Variants in P2RY8 observed in about 807,000 individuals in gnomAD.
P2RY8 encodes the protein S-geranylgeranyl-glutathione receptor P2RY8.
Under a neutral mutation model 10.0 loss-of-function variants are expected in P2RY8, and 6 were observed. The observed-to-expected ratio is 0.60, with a 90% CI of 0.33 to 1.19. The LOEUF is 1.19. Ranked by LOEUF, P2RY8 falls within the 50% of genes most tolerant of loss-of-function variation. P2RY8 has a pLI of 0.04. For synonymous variants in P2RY8, 276 were observed against 252.5 expected (o/e 1.09, Z -0.88); for missense variants, 456 against 542.0 (o/e 0.84, Z 1.58).
At chrX:1,503,028 A>T (rs1246015725) in intron 1 of P2RY8, among the ~76,000 whole-genome samples, 1 of 151,962 alleles carries the variant, frequency 6.6e-6, no homozygotes, top group Admixed American at 6.6e-5. Flanking sequence ...TGAGTTAAGG[A>T]TCTCAAGATG....
intron 1 of P2RY8, among the ~76,000 whole-genome samples, chrX:1,510,768 A>G (rs764369842): frequency 5.8e-4 from 88 of 151,986 alleles, no homozygotes; most frequent in African/African-American, 2.0e-3. Flanking sequence ...AATCCAAGCT[A>G]CTCAGTAGGC....
chrX:1,512,611 T>G (rs1167007007), intron 1 of P2RY8, among the ~76,000 whole-genome samples: 1 of 149,706 alleles, frequency 6.7e-6, no homozygotes, highest in South Asian at 2.1e-4. Flanking sequence ...AGAGGTTTAA[T>G]GGACTCACAG....
chrX:1,500,444 A>T (rs1430684943), intron 1 of P2RY8, among the ~76,000 whole-genome samples: 2 of 144,602 alleles, frequency 1.4e-5, no homozygotes, highest in African/African-American at 5.1e-5. Flanking sequence ...TGCCCAGCTA[A>T]TTTTTTTTTT....
chrX:1,527,624 A>G (rs1398839598), intron 1 of P2RY8, among the ~76,000 whole-genome samples: 1 of 151,754 alleles, frequency 6.6e-6, no homozygotes, highest in African/African-American at 2.4e-5. Flanking sequence ...TTATTCATTC[A>G]TCTACTCATT....
chrX:1,516,197 C>T (rs1426027169), intron 1 of P2RY8, among the ~76,000 whole-genome samples: 49 of 86,366 alleles, frequency 5.7e-4, no homozygotes, highest in African/African-American at 2.2e-3. Context: ...AACTCCACCT[C>T]AGAAAAACAA....
chrX:1,533,953 C>G (rs1439025189), intron 1 of P2RY8, among the ~76,000 whole-genome samples: 1 of 121,154 alleles, frequency 8.3e-6, no homozygotes, highest in Non-Finnish European at 1.6e-5. Flanking sequence ...TTACATATTA[C>G]ATAGTTATAT....
At chrX:1,472,891 G>GGT (rs2091811138) in intron 1 of P2RY8, among the ~76,000 whole-genome samples, 18 of 125,794 alleles carry the variant, frequency 1.4e-4, no homozygotes, top group East Asian at 1.3e-3. Flanking sequence ...GGATGGGTTG[G>GGT]TGGATGGATG....
chrX:1,496,693 TTC>T (rs1483380064), intron 1 of P2RY8, among the ~76,000 whole-genome samples: 8 of 150,742 alleles, frequency 5.3e-5, no homozygotes, highest in African/African-American at 1.7e-4. Context: ...GGAGTTTTTT[TTC>T]TTTCTTTCTT....
chrX:1,504,709 G>A (rs1230865273), intron 1 of P2RY8, among the ~76,000 whole-genome samples: 51 of 152,144 alleles, frequency 3.4e-4, no homozygotes, highest in Admixed American at 1.7e-3. Context: ...AAATTAGGTC[G>A]GGTGTTGTGG....
At chrX:1,535,706 CACACACACAG>C (rs1185054020) in intron 1 of P2RY8, among the ~76,000 whole-genome samples, 48 of 147,578 alleles carry the variant, frequency 3.3e-4, no homozygotes, top group African/African-American at 1.2e-3. Flanking sequence ...CACACACACA[CACACACACAG>C]ACACACACAC....
intron 1 of P2RY8, among the ~76,000 whole-genome samples, chrX:1,508,704 TTCTATCTA>T (rs61715773): frequency 0.13 from 14,751 of 111,806 alleles, 1,204 homozygotes; most frequent in East Asian, 0.35. Flanking sequence ...CATCCATCCA[TTCTATCTA>T]TCTATCTATC....
chrX:1,532,354 T>C lies in P2RY8; in HGVS notation c.-25+4567A>G, dbSNP rs749402158. On this transcript the variant is annotated intron_variant, in intron 1 of 1. Coordinates refer to ENST00000381297, the MANE Select transcript of P2RY8 (RefSeq NM_178129.5). ...TATACACATATATGTATATGATGTG[T>C]ATATATACACATATACGTATATGAT... 4.0e-5 allele frequency among the ~76,000 whole-genome samples: 6 copies of C among 150,774 alleles called. No homozygotes were observed. In the East Asian group the frequency reaches 1.2e-3, roughly 29 times the overall value.
chrX:1,484,126 C>G (rs1425847712), intron 1 of P2RY8, among the ~76,000 whole-genome samples: 1 of 152,160 alleles, frequency 6.6e-6, no homozygotes, highest in Admixed American at 6.6e-5. Flanking sequence ...CTCCCCTAAA[C>G]TCAGGAAAGA....
rs2092269251 is a variant in P2RY8 at position 1,509,160 on chromosome X, ATTCT to A, written c.-25+27757_-25+27760del. Among the ~76,000 whole-genome samples the A allele has an allele frequency of 6.1e-5, 6 of 98,182 alleles. No individual in the cohort carries two copies. In the South Asian group the frequency reaches 2.2e-3, roughly 37 times the overall value. The allele number at this position is 98,182 out of a possible 152,430, so 64.4% of individuals were successfully genotyped here. On this transcript the variant is annotated intron_variant, in intron 1 of 1. Coordinates refer to ENST00000381297, the MANE Select transcript of P2RY8 (RefSeq NM_178129.5). ...CTATCTATCATCTATGTATCCATCCATTCTATCTATCTATCTATCTATCTATCTA... is the reference window on the plus strand; with the variant it reads ...CTATCTATCATCTATGTATCCATCCAATCTATCTATCTATCTATCTATCTA...
chrX:1,535,704 CACACACACACAGACACACACACAG>C (rs1156965683), intron 1 of P2RY8, among the ~76,000 whole-genome samples: 10 of 147,792 alleles, frequency 6.8e-5, no homozygotes, highest in Middle Eastern at 3.5e-3. Context: ...CACACACACA[CACACACACACAGACACACACACAG>C]ACACACACAC....
rs193086348 is a variant in P2RY8 at position 1,499,575 on chromosome X, C to T, written c.-24-32993G>A. Among the ~76,000 whole-genome samples, 10 of 151,996 alleles carry T rather than the reference C, an allele frequency of 6.6e-5. No individual in the cohort carries two copies. The East Asian group carries it at 1.5e-3, about 24-fold the overall frequency. On this transcript the variant is annotated intron_variant, in intron 1 of 1. Coordinates refer to ENST00000381297, the MANE Select transcript of P2RY8 (RefSeq NM_178129.5). Reference sequence around the variant, plus strand: ...GCCCAAACTTTAATGCAATGTTTCACGTACTATGTATTTACTGCGTATATT... The same window carrying T: ...GCCCAAACTTTAATGCAATGTTTCATGTACTATGTATTTACTGCGTATATT...
At position 1,521,355 on chromosome X, in the gene P2RY8, T is replaced by G. The variant is rs766393216; in HGVS notation, c.-25+15566A>C. ...GCCACCGCGCCCGGCCTTTATCCTC[T>G]CTGATTTCTAATATTCTCTCTGTCC... is the stretch of plus-strand genomic sequence containing the variant. On this transcript the variant is annotated intron_variant, in intron 1 of 1. Transcript: ENST00000381297. Among the ~76,000 whole-genome samples the G allele has an allele frequency of 6.3e-3, 951 of 152,134 alleles. 6 individuals carry two copies. The highest frequency in any genetic ancestry group is 6.8e-3 in the Non-Finnish European group (462 of 67,976).
intron 1 of P2RY8, among the ~76,000 whole-genome samples, chrX:1,498,145 G>A (rs113540793): frequency 2.0e-5 from 3 of 151,772 alleles, no homozygotes; most frequent in Admixed American, 6.6e-5. Flanking sequence ...GGTGGCTCAC[G>A]CCTGTCATCC....
intron 1 of P2RY8, among the ~76,000 whole-genome samples, chrX:1,528,516 C>A (rs758310526): frequency 6.6e-6 from 1 of 152,244 alleles, no homozygotes; most frequent in African/African-American, 2.4e-5. Context: ...CCACTTTAAA[C>A]GTCCCAGGGA....
Sources: gnomAD v4.1 joint callset for allele counts (sites outside exome capture counted in the v4.1 genomes callset) on GRCh38, gnomAD v4.1.1 for gene constraint, MANE v1.5 for transcripts, NCBI Gene and HGNC (gene_info 2026-07-23, HGNC 2026-07-21) for gene names.